TAB3: variants seen among roughly 807,000 people sequenced by gnomAD.
TAB3 encodes the protein TGF-beta-activated kinase 1 and MAP3K7-binding protein 3.
In TAB3, 18 loss-of-function variants were observed where a neutral mutation model predicts 48.1. The observed-to-expected ratio is 0.37, with a 90% CI of 0.26 to 0.55. The LOEUF is 0.55. Among genes scored for constraint, TAB3 ranks in the 20% least tolerant of loss-of-function variants. The probability of loss-of-function intolerance (pLI) is 0.78; values close to 1 mark genes in which losing one functional copy is unlikely to be tolerated. For missense variants in TAB3, 414 were observed against 549.8 expected (o/e 0.75, Z 2.47); for synonymous variants, 185 against 190.2 (o/e 0.97, Z 0.22).
chrX:30,856,980 G>C (rs1192634059), intron 5 of TAB3, among the ~76,000 whole-genome samples: 2 of 111,082 alleles, frequency 1.8e-5, no homozygotes, highest in East Asian at 5.6e-4. Flanking sequence ...GGAGCTTTAG[G>C]AAGTTTAAAA....
chrX:30,863,605 G>A (rs1340756691), intron 4 of TAB3, among the ~76,000 whole-genome samples: 1 of 111,853 alleles, frequency 8.9e-6, no homozygotes, highest in African/African-American at 3.3e-5. Context: ...CCTTGCTCCC[G>A]CTTTTGCCAT....
At position 30,859,499 on chromosome X, in the gene TAB3, C is replaced by T. The variant is rs202151512; in HGVS notation, c.90G>A (p.Gln30=). The T allele has an allele frequency of 8.5e-5, 103 of 1,205,707 alleles. No homozygotes were observed. The highest frequency in any genetic ancestry group is 1.1e-4 in the Non-Finnish European group (102 of 892,595). ...FPEIPEGVVS[Q]CMLQNNNNLE... ...GTAGGTAACTTACCTGTAACATGCA[C>T]TGAGACACCACGCCCTCTGGAATTT... The change falls in exon 5 of 11, where the codon CAG becomes CAA. Residue 30 remains glutamine, a synonymous_variant. Coordinates refer to ENST00000288422, the MANE Select transcript of TAB3 (RefSeq NM_152787.5).
intron 4 of TAB3, among the ~76,000 whole-genome samples, chrX:30,866,872 A>AAG (rs1366764937): frequency 2.0e-5 from 2 of 100,105 alleles, no homozygotes; most frequent in Non-Finnish European, 4.0e-5. Context: ...GGGGTGTTTA[A>AAG]AAAAAAAAAA....
chrX:30,831,316 C>T lies in TAB3; in HGVS notation c.*111G>A. ...ACCACAAAGCCATTCCTCCTCCCCGCTGTGCAATCGAAAATGAAAAGGCTG... is the reference window on the plus strand; with the variant it reads ...ACCACAAAGCCATTCCTCCTCCCCGTTGTGCAATCGAAAATGAAAAGGCTG... On this transcript the variant is annotated 3_prime_UTR_variant, in exon 11 of 11. Coordinates refer to ENST00000288422, the MANE Select transcript of TAB3 (RefSeq NM_152787.5). The T allele has an allele frequency of 1.1e-6, 1 of 906,981 alleles. No homozygotes were observed. Among genetic ancestry groups the T allele is most frequent in the Non-Finnish European group, 1.5e-6 (1 of 677,394 alleles). 74.7% of individuals were successfully genotyped at this position (906,981 alleles called of 1,213,427 possible).
At chrX:30,879,692 A>C (rs1939942246) in intron 1 of TAB3, among the ~76,000 whole-genome samples, 2 of 111,761 alleles carry the variant, frequency 1.8e-5, no homozygotes, top group South Asian at 7.5e-4. Flanking sequence ...AAAAAAGACA[A>C]TAGCGCCACT....
chrX:30,878,097 G>A (rs758591282), intron 1 of TAB3, among the ~76,000 whole-genome samples: 4 of 112,303 alleles, frequency 3.6e-5, no homozygotes, highest in Admixed American at 9.4e-5. Context: ...AACTAAATTT[G>A]TATGCAGTTG....
At chrX:30,837,606 A>G (rs1280859011) in intron 9 of TAB3, among the ~76,000 whole-genome samples, 1 of 112,062 alleles carries the variant, frequency 8.9e-6, no homozygotes, top group African/African-American at 3.2e-5. Flanking sequence ...TCAGATACAT[A>G]TTTTACAAAT....
At chrX:30,871,429 T>C (rs1300482201) in intron 2 of TAB3, among the ~76,000 whole-genome samples, 1 of 111,925 alleles carries the variant, frequency 8.9e-6, no homozygotes, top group Non-Finnish European at 1.9e-5. Flanking sequence ...ATTACCCTTC[T>C]ATTTTCTGGT....
intron 1 of TAB3, among the ~76,000 whole-genome samples, chrX:30,884,334 A>G (rs1463906911): frequency 8.9e-6 from 1 of 112,070 alleles, no homozygotes. Flanking sequence ...TTTAAATATG[A>G]TACATCCTCT....
rs761120896 is a variant in TAB3, at chrX:30,852,075, G to A, written c.1710+703C>T. ...TTGCATAAACTATACGCACAAAACTGCTAAATGTTGAAAGGTGAAATGATA... is the reference window on the plus strand; with the variant it reads ...TTGCATAAACTATACGCACAAAACTACTAAATGTTGAAAGGTGAAATGATA... On this transcript the variant is annotated intron_variant, in intron 7 of 10. Transcript: ENST00000288422. Among the ~76,000 whole-genome samples the A allele has an allele frequency of 4.3e-4, 48 of 112,450 alleles. 1 individual carries two copies. Among genetic ancestry groups the A allele is most frequent in the South Asian group, 3.7e-4 (1 of 2,726 alleles).
chrX:30,842,558 CTAAAG>C (rs1938487054), intron 9 of TAB3, among the ~76,000 whole-genome samples: 1 of 111,713 alleles, frequency 9.0e-6, no homozygotes, highest in African/African-American at 3.3e-5. Context: ...TTTTTAAAAA[CTAAAG>C]TTTGGGGACA....
chrX:30,883,399 C>G (rs1051915181), intron 1 of TAB3, among the ~76,000 whole-genome samples: 1 of 112,213 alleles, frequency 8.9e-6, no homozygotes, highest in South Asian at 3.7e-4. Context: ...TCTCAAGAAC[C>G]CCATAAGGGA....
rs768050070 is a variant in TAB3 at position 30,855,222 on chromosome X, CTTCTG to C, written c.438_442del (p.Asn146LysfsTer44). 2.5e-6 allele frequency: 3 copies of C among 1,211,767 alleles called. No individual in the cohort carries two copies. Among genetic ancestry groups the C allele is most frequent in the Non-Finnish European group, 3.3e-6 (3 of 895,566 alleles). On this transcript the variant is annotated frameshift_variant, in exon 6 of 11. Transcript: ENST00000288422. LOFTEE classifies it high-confidence loss of function. ...TGGTTGTGAAGGAGGAGTAGCTGCA[CTTCTG>C]TTCTGTTCGTTCATAAAAAATGGAT...
In TAB3 at chrX:30,859,684, T is replaced by A. The variant is rs1399590347; in HGVS notation, c.-90-6A>T. ...TCTAGCACCACAGTCATTTTCTATT[T>A]AAAAAAAAAAAAAAAGTATGGTTAA... On this transcript the variant is annotated splice_region_variant and splice_polypyrimidine_tract_variant and intron_variant, in intron 4 of 10. Transcript: ENST00000288422. 2.9e-4 allele frequency: 134 copies of A among 461,086 alleles called. 1 individual carries two copies. In the African/African-American group the frequency reaches 3.1e-3, roughly 11 times the overall value. 38.0% of individuals were successfully genotyped at this position (461,086 alleles called of 1,213,427 possible).
At chrX:30,860,379 C>T (rs966336575) in intron 4 of TAB3, among the ~76,000 whole-genome samples, 4 of 111,544 alleles carry the variant, frequency 3.6e-5, no homozygotes, top group African/African-American at 1.3e-4. Context: ...AGTGTGTACC[C>T]AAAGCTTATT....
At chrX:30,846,075 T>C in intron 8 of TAB3, 1 of 980,771 alleles carries the variant, frequency 1.0e-6, no homozygotes, top group Non-Finnish European at 1.3e-6. Context: ...TATACTTCTG[T>C]AAAAAAATCC....
At chrX:30,888,120 T>G (rs767295592) in intron 1 of TAB3, among the ~76,000 whole-genome samples, 60 of 112,855 alleles carry the variant, frequency 5.3e-4, no homozygotes, top group Admixed American at 9.3e-4. Context: ...TGTATACTAC[T>G]GCAAATCATT....
At chrX:30,872,679 T>A (rs1185066026) in intron 1 of TAB3, among the ~76,000 whole-genome samples, 1 of 112,357 alleles carries the variant, frequency 8.9e-6, no homozygotes, top group Non-Finnish European at 1.9e-5. Context: ...AATTGAACAA[T>A]CACAATTTTG....
chrX:30,868,586 TAGAGAG>T (rs1306064666), intron 2 of TAB3, among the ~76,000 whole-genome samples: 2 of 8,752 alleles, frequency 2.3e-4, no homozygotes, highest in East Asian at 3.5e-3. Context: ...TATATATATA[TAGAGAG>T]AGAGAGAGAG....
Sources: gnomAD v4.1 joint callset for allele counts (sites outside exome capture counted in the v4.1 genomes callset) on GRCh38, gnomAD v4.1.1 for gene constraint, MANE v1.5 for transcripts, NCBI Gene and HGNC (gene_info 2026-07-23, HGNC 2026-07-21) for gene names.